Variants in GRIK1 observed in about 807,000 individuals in gnomAD.
GRIK1 encodes the protein glutamate receptor ionotropic, kainate 1.
In GRIK1, 69 loss-of-function variants were observed where a neutral mutation model predicts 105.7. That is an observed-to-expected ratio of 0.65 (90% CI 0.54 to 0.80). The LOEUF (loss-of-function observed/expected upper bound fraction) is 0.80. Ranked by LOEUF, GRIK1 falls within the 30% of genes least tolerant of loss-of-function variation. The pLI is 0.00. For synonymous variants in GRIK1, 438 were observed against 431.3 expected, an observed-to-expected ratio of 1.02 and a Z score of -0.19; for missense variants, 1,109 against 1,167.3, an observed-to-expected ratio of 0.95 and a Z score of 0.73.
intron 1 of GRIK1, among the ~76,000 whole-genome samples, chr21:29,937,896 T>C (rs1176522960): frequency 1.3e-5 from 2 of 152,160 alleles, no homozygotes; most frequent in South Asian, 2.1e-4. Flanking sequence ...ATTTCAGTTA[T>C]GTATAGTAGT....
chr21:29,646,590 C>A (rs1261906501), intron 6 of GRIK1, among the ~76,000 whole-genome samples: 1 of 152,182 alleles, frequency 6.6e-6, no homozygotes, highest in Non-Finnish European at 1.5e-5. Flanking sequence ...GAGACAAGGA[C>A]TGACGACACT....
chr21:29,718,665 G>A (rs976159870), intron 1 of GRIK1, among the ~76,000 whole-genome samples: 1 of 152,222 alleles, frequency 6.6e-6, no homozygotes, highest in Non-Finnish European at 1.5e-5. Context: ...GTCAGAGCTT[G>A]GAAAGCGGCA....
intron 1 of GRIK1, among the ~76,000 whole-genome samples, chr21:29,862,025 T>G (rs557141070): frequency 6.6e-6 from 1 of 152,334 alleles, no homozygotes; most frequent in East Asian, 1.9e-4. Flanking sequence ...GATAGAGTCT[T>G]GCCCAGGCTG....
chr21:29,803,961 A>T (rs1319558304), intron 1 of GRIK1, among the ~76,000 whole-genome samples: 1 of 152,102 alleles, frequency 6.6e-6, no homozygotes, highest in Non-Finnish European at 1.5e-5. Context: ...GAAGGAAAAG[A>T]GCTGACTGTA....
At chr21:29,541,132 TA>T (rs2089962378) in intron 16 of GRIK1, among the ~76,000 whole-genome samples, 1 of 152,168 alleles carries the variant, frequency 6.6e-6, no homozygotes, top group African/African-American at 2.4e-5. Flanking sequence ...CACACGCGGC[TA>T]ATTTTTGTAT....
chr21:29,701,216 G>A (rs544600259), intron 1 of GRIK1, among the ~76,000 whole-genome samples: 11 of 152,308 alleles, frequency 7.2e-5, no homozygotes, highest in South Asian at 2.1e-4. Context: ...CAACAGATAC[G>A]CATCTGACTT....
intron 6 of GRIK1, 142 bp from the exon 7 acceptor site, chr21:29,643,111 C>T: frequency 1.5e-6 from 1 of 685,342 alleles, no homozygotes; most frequent in South Asian, 2.0e-5. Flanking sequence ...AGTTTTCACT[C>T]TCCAATAGCT....
intron 3 of GRIK1, among the ~76,000 whole-genome samples, chr21:29,678,518 A>C (rs1184417665): frequency 2.0e-5 from 3 of 152,196 alleles, no homozygotes; most frequent in Non-Finnish European, 4.4e-5. Context: ...ACAGTAGCTA[A>C]AAAGAATATG....
chr21:29,900,972 G>A (rs1052897821), intron 1 of GRIK1, among the ~76,000 whole-genome samples: 7 of 152,070 alleles, frequency 4.6e-5, no homozygotes, highest in Non-Finnish European at 1.0e-4. Context: ...TTAGAACTCA[G>A]GATTAAGAAA....
At chr21:29,937,123 G>A (rs1161841622) in intron 1 of GRIK1, among the ~76,000 whole-genome samples, 2 of 152,070 alleles carry the variant, frequency 1.3e-5, no homozygotes, top group Admixed American at 1.3e-4. Context: ...CTTTGGCTTA[G>A]TCCCCAACCC....
chr21:29,846,045 G>A (rs967937623), intron 1 of GRIK1, among the ~76,000 whole-genome samples: 2 of 151,976 alleles, frequency 1.3e-5, no homozygotes, highest in African/African-American at 2.4e-5. Context: ...CCTCCTTTGC[G>A]CCCTGGATCC....
Position 29,689,813 on chromosome 21 carries a change from A to G in GRIK1, c.459T>C (p.Asp153=). 6.2e-7 allele frequency: 1 copy of G among 1,614,012 alleles called. No homozygotes were observed. Among genetic ancestry groups the G allele is most frequent in the Non-Finnish European group, 8.5e-7 (1 of 1,179,886 alleles). ...GGATCGCCCTGCTGATAGCTGCATA[A>G]TCTGGGTAAAGGTTGATGTAAAACA... ...KDLFYINLYP[D]YAAISRAILD... is the part of the protein sequence containing the mutation. Residue 153 remains aspartate, a synonymous_variant, in exon 3 of 18, where the codon GAT becomes GAC. Transcript: ENST00000327783.
intron 16 of GRIK1, among the ~76,000 whole-genome samples, chr21:29,545,297 G>A (rs935110910): frequency 7.9e-5 from 12 of 152,134 alleles, no homozygotes; most frequent in African/African-American, 2.9e-4. Flanking sequence ...CAGAAATGTG[G>A]GTTTGTCCTT....
At position 29,820,999 on chromosome 21, in the gene GRIK1, A is replaced by G. The variant is rs933829744; in HGVS notation, c.118+118384T>C. ...TACTCACTTGAAACTCCTGAGCAAT[A>G]TCCTATAAAGTTGAGACCCACAAAA... On this transcript the variant is annotated intron_variant, in intron 1 of 17. Coordinates refer to ENST00000327783, the MANE Select transcript of GRIK1 (RefSeq NM_001330994.2). 1.3e-4 allele frequency among the ~76,000 whole-genome samples: 19 copies of G among 151,784 alleles called. 1 individual carries two copies. The highest frequency in any genetic ancestry group is 1.2e-3 in the Admixed American group (18 of 15,222).
chr21:29,725,384 G>T (rs2064431882), intron 1 of GRIK1, among the ~76,000 whole-genome samples: 1 of 152,126 alleles, frequency 6.6e-6, no homozygotes, highest in South Asian at 2.1e-4. Flanking sequence ...TTGGCAAAAA[G>T]AATATAAAAT....
intron 15 of GRIK1, among the ~76,000 whole-genome samples, chr21:29,558,991 T>C (rs1828253286): frequency 6.6e-6 from 1 of 152,120 alleles, no homozygotes; most frequent in Non-Finnish European, 1.5e-5. Context: ...TGATACACAT[T>C]GTTATTTTAA....
chr21:29,684,019 A>G (rs1467104370), intron 3 of GRIK1, among the ~76,000 whole-genome samples: 1 of 152,190 alleles, frequency 6.6e-6, no homozygotes, highest in Non-Finnish European at 1.5e-5. Flanking sequence ...TGGTATCCTT[A>G]CATAAAACTG....
At chr21:29,909,640 T>C (rs1033449973) in intron 1 of GRIK1, among the ~76,000 whole-genome samples, 2 of 151,998 alleles carry the variant, frequency 1.3e-5, no homozygotes, top group African/African-American at 2.4e-5. Context: ...TAAGCAGTAA[T>C]AATTAGAAAA....
intron 1 of GRIK1, among the ~76,000 whole-genome samples, chr21:29,767,344 T>A (rs2065693177): frequency 6.6e-6 from 1 of 152,196 alleles, no homozygotes; most frequent in Admixed American, 6.5e-5. Flanking sequence ...AGCCTCTTAA[T>A]GGGATCTGCA....
Sources: gnomAD v4.1 joint callset for allele counts (sites outside exome capture counted in the v4.1 genomes callset) on GRCh38, gnomAD v4.1.1 for gene constraint, MANE v1.5 for transcripts, NCBI Gene and HGNC (gene_info 2026-07-23, HGNC 2026-07-21) for gene names.